ICA1L: variants seen among roughly 807,000 people sequenced by gnomAD.
ICA1L encodes islet cell autoantigen 1-like protein.
A neutral mutation model predicts 61.3 loss-of-function variants in ICA1L; 50 were observed. The ratio of observed to expected loss-of-function variants is 0.82; its 90% CI spans 0.65 to 1.03. The LOEUF (loss-of-function observed/expected upper bound fraction) is 1.03, where lower values mean the gene tolerates loss of function less well. Ranked by LOEUF, ICA1L falls within the 50% of genes least tolerant of loss-of-function variation. The pLI is 0.00. For missense variants in ICA1L, 508 were observed against 556.7 expected, an observed-to-expected ratio of 0.91 and a Z score of 0.88; for synonymous variants, 161 against 191.3, an observed-to-expected ratio of 0.84 and a Z score of 1.31.
At chr2:202,862,272 CAAAAAAAAAAA>C (rs778355110) in intron 1 of ICA1L, among the ~76,000 whole-genome samples, 19 of 62,976 alleles carry the variant, frequency 3.0e-4, no homozygotes, top group East Asian at 2.6e-3. Context: ...CTCATTTCTA[CAAAAAAAAAAA>C]AAAAAAAAAA....
At chr2:202,792,751 C>T (rs1692792112) in intron 10 of ICA1L, among the ~76,000 whole-genome samples, 2 of 152,018 alleles carry the variant, frequency 1.3e-5, no homozygotes, top group South Asian at 4.2e-4. Flanking sequence ...TTGCAGTGGG[C>T]CAAGATCGCG....
intron 1 of ICA1L, among the ~76,000 whole-genome samples, chr2:202,861,538 A>T (rs945095972): frequency 6.6e-6 from 1 of 151,898 alleles, no homozygotes. Flanking sequence ...TTACAATCAC[A>T]ATGAGGGACT....
chr2:202,861,072 A>G (rs1056337257), intron 1 of ICA1L, among the ~76,000 whole-genome samples: 1 of 151,960 alleles, frequency 6.6e-6, no homozygotes, highest in Admixed American at 6.6e-5. Flanking sequence ...TCTACTAAAA[A>G]TACAAAAATT....
intron 6 of ICA1L, among the ~76,000 whole-genome samples, chr2:202,816,774 A>AT (rs530279127): frequency 3.5e-4 from 54 of 152,240 alleles, no homozygotes; most frequent in African/African-American, 1.3e-3. Context: ...AGTTTATTCA[A>AT]TTTTTTCCAT....
At position 202,834,196 on chromosome 2, in the gene ICA1L, A is replaced by T. The variant is rs1323886107; in HGVS notation, c.-7-5180T>A. ...AAATAATTTTTGAAGTAAAATTTTAACAAATTCTTCAGTCTTAAAGAAAAT... is the reference window on the plus strand; with the variant it reads ...AAATAATTTTTGAAGTAAAATTTTATCAAATTCTTCAGTCTTAAAGAAAAT... On this transcript the variant is annotated intron_variant, in intron 1 of 12. Transcript: ENST00000358299. Among the ~76,000 whole-genome samples, 3 of 152,246 alleles carry T rather than the reference A, an allele frequency of 2.0e-5. No homozygotes were observed. The East Asian group carries it at 5.8e-4, about 29-fold the overall frequency.
chr2:202,800,667 T>C (rs1348470162), intron 9 of ICA1L, among the ~76,000 whole-genome samples: 2 of 152,342 alleles, frequency 1.3e-5, no homozygotes, highest in South Asian at 2.1e-4. Context: ...AAATTTCTCC[T>C]ACATACAAGG....
chr2:202,833,162 T>C (rs1232251139), intron 1 of ICA1L, among the ~76,000 whole-genome samples: 4 of 151,778 alleles, frequency 2.6e-5, no homozygotes, highest in Admixed American at 1.3e-4. Context: ...GTAACAAAAA[T>C]ACAAACAGGT....
At chr2:202,783,465 C>T (rs1692476215) in intron 12 of ICA1L, among the ~76,000 whole-genome samples, 1 of 152,176 alleles carries the variant, frequency 6.6e-6, no homozygotes, top group Non-Finnish European at 1.5e-5. Flanking sequence ...CACTGGTAGT[C>T]CTGCCAAAAT....
intron 9 of ICA1L, among the ~76,000 whole-genome samples, chr2:202,805,309 A>G (rs1210606465): frequency 6.6e-6 from 1 of 152,222 alleles, no homozygotes; most frequent in Non-Finnish European, 1.5e-5. Context: ...TAAATTAAAA[A>G]TCACTGACTT....
chr2:202,779,022 A>G lies in ICA1L; in HGVS notation c.*511T>C, dbSNP rs1216764954. The G allele has an allele frequency of 1.3e-5, 2 of 152,406 alleles. No individual in the cohort carries two copies. Among genetic ancestry groups the G allele is most frequent in the Non-Finnish European group, 2.9e-5 (2 of 68,124 alleles). The allele number at this position is 152,406 out of a possible 1,614,324, so 9.4% of individuals were successfully genotyped here. A position where few individuals can be genotyped will look rare whatever the true frequency, so the allele number is the denominator to read the frequency against. On this transcript the variant is annotated 3_prime_UTR_variant, in exon 13 of 13. Coordinates refer to ENST00000358299, the MANE Select transcript of ICA1L (RefSeq NM_001288622.3). ...CTCAAATCTTACTCTCTCTAACCCA[A>G]AACAAAGCTGGTCTGGTTCTAATGG...
At chr2:202,854,847 GA>G (rs1262976039) in intron 1 of ICA1L, among the ~76,000 whole-genome samples, 1 of 152,124 alleles carries the variant, frequency 6.6e-6, no homozygotes, top group East Asian at 1.9e-4. Flanking sequence ...CCAATATGGT[GA>G]AACCCCGTCT....
At chr2:202,779,801 T>C (rs1181157166) in intron 12 of ICA1L, among the ~76,000 whole-genome samples, 153 bp from the exon 13 acceptor site, 6 of 141,814 alleles carry the variant, frequency 4.2e-5, no homozygotes, top group Non-Finnish European at 3.1e-5. Flanking sequence ...CCTTTAAGAT[T>C]TTTTTTTTTT....
chr2:202,830,854 G>C (rs892326086), intron 1 of ICA1L, among the ~76,000 whole-genome samples: 2 of 151,848 alleles, frequency 1.3e-5, no homozygotes, highest in Admixed American at 1.3e-4. Flanking sequence ...GATGGAAGAA[G>C]AACAATTATA....
At chr2:202,855,167 A>G (rs1179336752) in intron 1 of ICA1L, among the ~76,000 whole-genome samples, 1 of 152,236 alleles carries the variant, frequency 6.6e-6, no homozygotes, top group African/African-American at 2.4e-5. Flanking sequence ...AAGGAAATTT[A>G]TAGCACTAAA....
intron 5 of ICA1L, 182 bp downstream of exon 5, chr2:202,819,519 C>A: frequency 1.7e-6 from 1 of 588,862 alleles, no homozygotes; most frequent in Non-Finnish European, 3.0e-6. Context: ...GAAGATGCCA[C>A]TCCAGGAGTA....
At chr2:202,800,812 A>G (rs1693068501) in intron 9 of ICA1L, among the ~76,000 whole-genome samples, 1 of 152,206 alleles carries the variant, frequency 6.6e-6, no homozygotes, top group South Asian at 2.1e-4. Context: ...AAGTAAAAAA[A>G]GGTAAAAACA....
intron 1 of ICA1L, among the ~76,000 whole-genome samples, chr2:202,870,104 C>T (rs1224641414): frequency 2.0e-5 from 3 of 151,934 alleles, no homozygotes; most frequent in Admixed American, 6.6e-5. Context: ...TATAAAAGTA[C>T]AGAAAAAATG....
In ICA1L at chr2:202,816,014, A is replaced by C. The variant is rs1232379661; in HGVS notation, c.685-5T>G. 4 of 1,571,666 alleles carry C rather than the reference A, an allele frequency of 2.5e-6. No homozygotes were observed. Among genetic ancestry groups the C allele is most frequent in the African/African-American group, 2.8e-5 (2 of 72,634 alleles). On this transcript the variant is annotated splice_region_variant and splice_polypyrimidine_tract_variant and intron_variant, in intron 6 of 12. Transcript: ENST00000358299. ...CCAGAATCCAAGCAGTGTTCTCTGC[A>C]AAAAAAGAAAAGGTGACACTACAGT...
chr2:202,791,259 G>A (rs890531255), intron 10 of ICA1L, among the ~76,000 whole-genome samples: 1 of 152,114 alleles, frequency 6.6e-6, no homozygotes, highest in Non-Finnish European at 1.5e-5. Flanking sequence ...GCAATCAGCT[G>A]GAAGAAGCAA....
Sources: allele counts gnomAD v4.1 joint callset (sites outside exome capture counted in the v4.1 genomes callset), GRCh38; gene constraint gnomAD v4.1.1; transcripts MANE v1.5; gene names NCBI Gene and HGNC (gene_info 2026-07-23, HGNC 2026-07-21).